Variants in IZUMO1 observed in about 807,000 individuals in gnomAD.
IZUMO1 encodes the protein izumo sperm-egg fusion protein 1.
In IZUMO1, 44 loss-of-function variants were observed where a neutral mutation model predicts 40.7. That is an observed-to-expected ratio of 1.08 (90% CI 0.85 to 1.39). IZUMO1 has a LOEUF of 1.39. IZUMO1 is among the 40% of genes most tolerant of loss of function. The pLI, the probability that IZUMO1 is intolerant of heterozygous loss-of-function variation, is 0.00. For synonymous variants in IZUMO1, 149 were observed against 170.9 expected (o/e 0.87, Z 1.00); for missense variants, 368 against 436.9 (o/e 0.84, Z 1.41).
At chr19:48,744,639 G>T (rs2033823568) in intron 3 of IZUMO1, 100 bp from the exon 4 acceptor site, 15 of 852,344 alleles carry the variant, frequency 1.8e-5, no homozygotes, top group Middle Eastern at 2.2e-4. Flanking sequence ...TCTCAGGAAA[G>T]GGCGCTACAA....
At chr19:48,743,730 C>A (rs939954401) in intron 5 of IZUMO1, 4 of 587,566 alleles carry the variant, frequency 6.8e-6, no homozygotes, top group African/African-American at 1.9e-5. Flanking sequence ...CGGTGGCTTA[C>A]TCCTGTAATC....
chr19:48,741,171 C>T lies in IZUMO1; in HGVS notation c.932+130G>A. ...CTTCGAAGTCCTCCTATTCAAGCCC[C>T]CCGCACTCCATCCCCAGGAAAGTCC... On this transcript the variant is annotated intron_variant, in intron 9 of 9. Coordinates refer to ENST00000332955, the MANE Select transcript of IZUMO1 (RefSeq NM_182575.3). This position sits in a 1 kb window ranked among gnomAD's most constrained non-coding sequence, Gnocchi z 4.4. 1 of 1,440,036 alleles carries T rather than the reference C, an allele frequency of 6.9e-7. No individual in the cohort carries two copies. The highest frequency in any genetic ancestry group is 1.3e-5 in the South Asian group (1 of 75,954). 89.2% of individuals were successfully genotyped at this position (1,440,036 alleles called of 1,614,324 possible). A position where few individuals can be genotyped will look rare whatever the true frequency, so the allele number is the denominator to read the frequency against.
chr19:48,745,384 G>C (rs1273723204), intron 2 of IZUMO1, 96 bp from the exon 3 acceptor site: 19 of 1,176,076 alleles, frequency 1.6e-5, no homozygotes, highest in Admixed American at 3.8e-5. Context: ...ACTGGGCAAA[G>C]ATAGGCCTGG....
intron 1 of IZUMO1, 152 bp downstream of exon 1, chr19:48,746,283 C>G (rs563859085): frequency 1.6e-5 from 17 of 1,035,892 alleles, no homozygotes; most frequent in African/African-American, 5.1e-5. Flanking sequence ...AACTCCAACC[C>G]TTAAGAGCAA....
rs2122504286 is a variant in IZUMO1 at position 48,741,726 on chromosome 19, G to T, written c.754+63C>A. 1 of 1,494,920 alleles carries T rather than the reference G, an allele frequency of 6.7e-7. No homozygotes were observed. Among genetic ancestry groups the T allele is most frequent in the Non-Finnish European group, 8.9e-7 (1 of 1,118,326 alleles). The allele number at this position is 1,494,920 out of a possible 1,614,324, so 92.6% of individuals were successfully genotyped here. A position where few individuals can be genotyped will look rare whatever the true frequency, so the allele number is the denominator to read the frequency against. On this transcript the variant is annotated intron_variant, in intron 8 of 9. Coordinates refer to ENST00000332955, the MANE Select transcript of IZUMO1 (RefSeq NM_182575.3). This position sits in a 1 kb window ranked among gnomAD's most constrained non-coding sequence, Gnocchi z 4.4. The stretch of plus-strand genomic sequence containing the variant: ...CCCCCATCGCCAAGGCCACGCCCCC[G>T]CCGCGGACCCCAGCTTTCCTGGGCC...
In IZUMO1 at chr19:48,741,796, G is replaced by A. The variant is rs766466726; in HGVS notation, c.747C>T (p.His249=). ...NSSPATIINF[H]VTVLPKMIKE... ...CAGCCCCACAGCACTGACCTGTGAC[G>A]TGAAAATTGATGATCGTGGCTGGGC... is the stretch of plus-strand genomic sequence containing the variant. Residue 249 remains histidine (H), a synonymous_variant, in exon 8 of 10, where the codon CAC becomes CAT. Coordinates refer to ENST00000332955, the MANE Select transcript of IZUMO1 (RefSeq NM_182575.3). The surrounding 1 kb of genome is among the most constrained non-coding windows in gnomAD (Gnocchi z 4.4). The A allele has an allele frequency of 3.2e-6, 5 of 1,586,714 alleles. No homozygotes were observed. Among genetic ancestry groups the A allele is most frequent in the African/African-American group, 2.7e-5 (2 of 74,404 alleles).
Position 48,746,421 on chromosome 19 carries a change from A to G in IZUMO1, c.-74+14T>C. 1 of 991,954 alleles carries G rather than the reference A, an allele frequency of 1.0e-6. No individual in the cohort carries two copies. The highest frequency in any genetic ancestry group is 1.2e-6 in the Non-Finnish European group (1 of 833,384). The allele number at this position is 991,954 out of a possible 1,614,324, so 61.4% of individuals were successfully genotyped here. ...TTATCAAACTCGGAACTCCTTCAAA[A>G]CCAAAACACATACCAGATTCCTAGA... On this transcript the variant is annotated intron_variant, in intron 1 of 9. Coordinates refer to ENST00000332955, the MANE Select transcript of IZUMO1 (RefSeq NM_182575.3).
At chr19:48,745,318 A>G (rs1230692619) in intron 2 of IZUMO1, 30 bp from the exon 3 acceptor site, 1 of 1,585,346 alleles carries the variant, frequency 6.3e-7, no homozygotes, top group Non-Finnish European at 8.7e-7. Context: ...CCCAGATTCC[A>G]GCCTTACTGT....
At chr19:48,746,151 T>A in intron 1 of IZUMO1, 1 of 1,260,848 alleles carries the variant, frequency 7.9e-7, no homozygotes, top group Non-Finnish European at 1.0e-6. Context: ...TCAGAAAAAC[T>A]ATTAAACAGG....
intron 2 of IZUMO1, 162 bp downstream of exon 2, chr19:48,745,463 T>A (rs2033855126): frequency 6.7e-6 from 7 of 1,048,214 alleles, no homozygotes; most frequent in Non-Finnish European, 9.8e-6. Flanking sequence ...CAGCCGAGGA[T>A]AGGGAAAACG....
rs985474022 is a variant in IZUMO1, at chr19:48,746,327, C to G, written c.-74+108G>C. ...CACTCCCCCGCCAGCCCCCCAAAAC[C>G]TGTTGAACCTCAAGCTGAAGATTCA... is the stretch of plus-strand genomic sequence containing the variant. On this transcript the variant is annotated intron_variant, in intron 1 of 9. Coordinates refer to ENST00000332955, the MANE Select transcript of IZUMO1 (RefSeq NM_182575.3). 79 of 1,011,124 alleles carry G rather than the reference C, an allele frequency of 7.8e-5. 1 individual carries two copies. The African/African-American group carries it at 1.3e-3, about 17-fold the overall frequency. 62.6% of individuals were successfully genotyped at this position (1,011,124 alleles called of 1,614,324 possible).
At chr19:48,745,368 G>A (rs568158026) in intron 2 of IZUMO1, 80 bp from the exon 3 acceptor site, 4 of 1,308,188 alleles carry the variant, frequency 3.1e-6, no homozygotes, top group Non-Finnish European at 4.4e-6. Context: ...CAATACCCAT[G>A]AGGCCACTGG....
Position 48,740,959 on chromosome 19 carries a change from G to T in IZUMO1, c.1002C>A (p.Ala334=), listed in dbSNP as rs1195757113. Residue 334 remains alanine (A), a synonymous_variant, in exon 10 of 10, where the codon GCC becomes GCA. Coordinates refer to ENST00000332955, the MANE Select transcript of IZUMO1 (RefSeq NM_182575.3). The surrounding 1 kb of genome is among the most constrained non-coding windows in gnomAD (Gnocchi z 5.5). ...SSLFGLGSGA[A]EQTQVPKEKA... ...TTTCTTTTGGGACCTGGGTTTGCTC[G>T]GCCGCTCCACTGCCAAGGCCAAACA... 12 of 1,614,084 alleles carry T rather than the reference G, an allele frequency of 7.4e-6. No homozygotes were observed. Among genetic ancestry groups the T allele is most frequent in the Non-Finnish European group, 1.0e-5 (12 of 1,180,002 alleles).
At chr19:48,743,201 A>AT (rs2033772671) in intron 6 of IZUMO1, 3 of 515,310 alleles carry the variant, frequency 5.8e-6, no homozygotes, top group Non-Finnish European at 3.5e-6. Flanking sequence ...TAATTTTTAA[A>AT]TTTTTTTGTA....
intron 6 of IZUMO1, 146 bp downstream of exon 6, chr19:48,743,299 A>C: frequency 1.4e-6 from 1 of 695,542 alleles, no homozygotes; most frequent in Non-Finnish European, 2.5e-6. Context: ...GTGCGAGACT[A>C]TAGGTGTGAA....
At chr19:48,742,342 G>T in intron 6 of IZUMO1, 33 bp from the exon 7 acceptor site, 3 of 1,492,572 alleles carry the variant, frequency 2.0e-6, no homozygotes, top group South Asian at 2.3e-5. Context: ...GGACACTCAT[G>T]ATTCTGTTTT....
Position 48,741,339 on chromosome 19 carries a change from G to T in IZUMO1, c.894C>A (p.Ile298=). The change falls in exon 9 of 10, where the codon ATC becomes ATA. Residue 298 remains isoleucine (I), a synonymous_variant. Coordinates refer to ENST00000332955, the MANE Select transcript of IZUMO1 (RefSeq NM_182575.3). This position sits in a 1 kb window ranked among gnomAD's most constrained non-coding sequence, Gnocchi z 4.4. The part of the protein sequence containing the change: ...MLASRLLGLL[I]CGSLALITGL... ...CGGTTATCAGTGCTAGGGAGCCGCA[G>T]ATCAGCAGCCCCAGAAGGCGGCTTG... 1 of 1,610,646 alleles carries T rather than the reference G, an allele frequency of 6.2e-7. No individual in the cohort carries two copies. Among genetic ancestry groups the T allele is most frequent in the South Asian group, 1.1e-5 (1 of 91,026 alleles).
Position 48,745,828 on chromosome 19 carries a change from G to A in IZUMO1, c.32C>T (p.Ala11Val), listed in dbSNP as rs748950506. The A allele has an allele frequency of 1.2e-6, 2 of 1,614,176 alleles. No homozygotes were observed. The highest frequency in any genetic ancestry group is 1.7e-6 in the Non-Finnish European group (2 of 1,180,034). MGPHFTLLCAALAGCLLPAEG... is the reference protein window; with the variant it reads MGPHFTLLCAVLAGCLLPAEG... ...GGCAGGAAGCAAGCAACCGGCCAGC[G>A]CCGCACACAGGAGGGTAAAATGCGG... is the stretch of plus-strand genomic sequence containing the variant. The change falls in exon 2 of 10, where the codon GCG becomes GTG. Residue 11 changes from alanine to valine, a missense_variant. Ala to Val is a moderately conservative substitution (Grantham distance 64, BLOSUM62 0). Coordinates refer to ENST00000332955, the MANE Select transcript of IZUMO1 (RefSeq NM_182575.3).
At chr19:48,742,374 G>T in intron 6 of IZUMO1, 65 bp from the exon 7 acceptor site, 1 of 1,123,006 alleles carries the variant, frequency 8.9e-7, no homozygotes, top group Non-Finnish European at 1.4e-6. Context: ...TTGAGATGGA[G>T]ACTCGCTCTG....
Sources: allele counts gnomAD v4.1 joint callset, GRCh38; gene constraint gnomAD v4.1.1; non-coding constraint Gnocchi (gnomAD v3.1); transcripts MANE v1.5; gene names NCBI Gene and HGNC (gene_info 2026-07-23, HGNC 2026-07-21).